The following DNAH17 variants were observed in gnomAD, a reference collection of about 807,000 sequenced individuals.
The protein encoded by DNAH17 is axonemal beta dynein heavy chain 17.
DNAH17 carries 376 observed loss-of-function variants against 485.6 expected under a neutral mutation model. The observed-to-expected ratio is 0.77, with a 90% CI of 0.71 to 0.84. The LOEUF (loss-of-function observed/expected upper bound fraction) is 0.84, where lower values mean the gene tolerates loss of function less well. Among genes scored for constraint, DNAH17 ranks in the 40% least tolerant of loss-of-function variants. DNAH17 has a pLI of 0.00. For missense variants in DNAH17, 6,370 were observed against 5,839.3 expected (o/e 1.09, Z -2.96); for synonymous variants, 3,031 against 2,405.9 (o/e 1.26, Z -7.60).
intron 51 of DNAH17, among the ~76,000 whole-genome samples, 197 bp from the exon 52 acceptor site, chr17:78,476,930 G>A (rs576179071): frequency 9.5e-4 from 145 of 152,316 alleles, no homozygotes; most frequent in African/African-American, 3.3e-3. Flanking sequence ...GTGTGTGTGT[G>A]TGTCCTGAGA....
chr17:78,433,959 G>GGGAA lies in DNAH17; in HGVS notation c.12225+66_12225+69dup, dbSNP rs1303946508. ...AGGGAAGGAGGGAGGGAAGGAGGGAGGGAAGGAGGGAGGGAAGGAGGGAAA... is the reference window on the plus strand; with the variant it reads ...AGGGAAGGAGGGAGGGAAGGAGGGAGGGAAGGAAGGAGGGAGGGAAGGAGGGAAA... On this transcript the variant is annotated intron_variant, in intron 75 of 80. Coordinates refer to ENST00000389840, the MANE Select transcript of DNAH17 (RefSeq NM_173628.4). 6.6e-6 allele frequency: 8 copies of GGGAA among 1,219,980 alleles called. No individual in the cohort carries two copies. In the East Asian group the frequency reaches 7.3e-5, roughly 11 times the overall value. The allele number at this position is 1,219,980 out of a possible 1,614,324, so 75.6% of individuals were successfully genotyped here. A position where few individuals can be genotyped will look rare whatever the true frequency, so the allele number is the denominator to read the frequency against.
chr17:78,491,372 G>A (rs2089844953), intron 43 of DNAH17, 71 bp downstream of exon 43: 1 of 1,559,740 alleles, frequency 6.4e-7, no homozygotes, highest in Non-Finnish European at 8.7e-7. Flanking sequence ...TGCTCCGTAG[G>A]CGCCTCCCTG....
rs757328785 is a variant in DNAH17 at position 78,430,604 on chromosome 17, G to A, written c.12226-1304C>T. Among the ~76,000 whole-genome samples the A allele has an allele frequency of 2.6e-5, 4 of 152,140 alleles. 1 individual carries two copies. The highest frequency in any genetic ancestry group is 4.4e-5 in the Non-Finnish European group (3 of 68,044). ...TTTTTAGGTTGCTTATTTTTGAGAT[G>A]GAGTCTCGCTCTGTTGCCCAGGCTG... On this transcript the variant is annotated intron_variant, in intron 75 of 80. Coordinates refer to ENST00000389840, the MANE Select transcript of DNAH17 (RefSeq NM_173628.4).
intron 25 of DNAH17, among the ~76,000 whole-genome samples, chr17:78,518,631 A>C (rs1286052463): frequency 1.3e-5 from 2 of 152,182 alleles, no homozygotes; most frequent in African/African-American, 2.4e-5. Context: ...GGACAGAACA[A>C]CACAACCAAC....
intron 14 of DNAH17, among the ~76,000 whole-genome samples, chr17:78,557,451 C>G (rs71385969): frequency 1.3e-5 from 2 of 151,976 alleles, no homozygotes; most frequent in Admixed American, 6.6e-5. Context: ...AACTGTGTCT[C>G]TACTAAAAAT....
chr17:78,472,653 G>C (rs2088817769), intron 54 of DNAH17: 1 of 445,596 alleles, frequency 2.2e-6, no homozygotes, highest in African/African-American at 2.0e-5. Context: ...AGGGGAGCTG[G>C]GGTAGCACCT....
chr17:78,444,386 T>C (rs1246915244), intron 71 of DNAH17, among the ~76,000 whole-genome samples: 1 of 152,088 alleles, frequency 6.6e-6, no homozygotes, highest in Non-Finnish European at 1.5e-5. Context: ...AGGACTGGAG[T>C]CCGCAGCCTG....
chr17:78,529,389 G>C, intron 22 of DNAH17, 83 bp downstream of exon 22: 2 of 1,319,746 alleles, frequency 1.5e-6, no homozygotes, highest in Non-Finnish European at 2.2e-6. Context: ...CCCCATGGTT[G>C]CGTTTGATGG....
intron 44 of DNAH17, 73 bp from the exon 45 acceptor site, chr17:78,486,579 C>A: frequency 6.7e-7 from 1 of 1,493,470 alleles, no homozygotes; most frequent in Admixed American, 2.2e-5. Flanking sequence ...TTGGTAAACG[C>A]CCCTCCCTAC....
rs776042763 is a variant in DNAH17 at position 78,494,074 on chromosome 17, C to A, written c.6370G>T (p.Val2124Leu). 1 of 1,612,812 alleles carries A rather than the reference C, an allele frequency of 6.2e-7. No individual in the cohort carries two copies. Among genetic ancestry groups the A allele is most frequent in the Admixed American group, 1.7e-5 (1 of 59,988 alleles). The change falls in exon 41 of 81, where the codon GTG (valine) becomes TTG (leucine). Residue 2124 changes from valine (V) to leucine (L), a missense_variant. Transcript: ENST00000389840. Reference protein sequence around the residue: ...LEELLQVRHSVFIVGNAGSGK... With the variant: ...LEELLQVRHSLFIVGNAGSGK... ...CTGCCCGCATTCCCGACGATGAACA[C>A]GGAGTGGCGGACCTGCAGCAGCTCC... is the stretch of plus-strand genomic sequence containing the variant.
intron 1 of DNAH17, among the ~76,000 whole-genome samples, chr17:78,576,315 A>G (rs528953561): frequency 2.7e-4 from 41 of 152,294 alleles, no homozygotes; most frequent in Non-Finnish European, 5.7e-4. Context: ...AGTGGATAGC[A>G]TTTGGATGCT....
At chr17:78,496,758 A>G (rs61277217) in intron 37 of DNAH17, 63,215 of 141,416 alleles carry the variant, frequency 0.45, 13,978 homozygotes, top group African/African-American at 0.56. Flanking sequence ...TACAACCTCC[A>G]CCTCCTGGGT....
intron 52 of DNAH17, 95 bp downstream of exon 52, chr17:78,476,477 C>T (rs888772082): frequency 1.4e-6 from 2 of 1,389,162 alleles, no homozygotes; most frequent in African/African-American, 1.5e-5. Flanking sequence ...AACAAAGGGC[C>T]CTTCTGAGAG....
intron 19 of DNAH17, among the ~76,000 whole-genome samples, chr17:78,536,273 A>G (rs1452385671): frequency 6.6e-6 from 1 of 151,520 alleles, no homozygotes; most frequent in Non-Finnish European, 1.5e-5. Context: ...CCCCGTCTCT[A>G]CTAAAAATAT....
chr17:78,571,616 G>T lies in DNAH17; in HGVS notation c.706C>A (p.Leu236Met). The part of the protein sequence containing the change: ...VEFEFWDTRL[L>M]NLKCIHEQLN... ...TGTTCATGGATGCACTTGAGGTTCA[G>T]CAGCCGAGTGTCCCAGAACTCGAAC... The change falls in exon 4 of 81, where the codon CTG becomes ATG. Residue 236 changes from leucine to methionine, a missense_variant. Leu to Met is a conservative substitution (Grantham distance 15). Coordinates refer to ENST00000389840, the MANE Select transcript of DNAH17 (RefSeq NM_173628.4). 1 of 1,613,964 alleles carries T rather than the reference G, an allele frequency of 6.2e-7. No homozygotes were observed. Among genetic ancestry groups the T allele is most frequent in the South Asian group, 1.1e-5 (1 of 91,090 alleles).
rs1055650119 is a variant in DNAH17, at chr17:78,539,983, C to T, written c.2533-103G>A. 1.1e-5 allele frequency: 14 copies of T among 1,224,116 alleles called. No homozygotes were observed. In the Admixed American group the frequency reaches 4.1e-4, roughly 36 times the overall value. The allele number at this position is 1,224,116 out of a possible 1,614,324, so 75.8% of individuals were successfully genotyped here. A position where few individuals can be genotyped will look rare whatever the true frequency, so the allele number is the denominator to read the frequency against. On this transcript the variant is annotated intron_variant, in intron 17 of 80. Transcript: ENST00000389840. ...TGGACCGCCCGTCCATGTTCACACG[C>T]CGGACACACGGGGCTGCTTTGAGCA...
chr17:78,549,801 C>T (rs1392332356), intron 16 of DNAH17, among the ~76,000 whole-genome samples: 1 of 152,164 alleles, frequency 6.6e-6, no homozygotes, highest in Admixed American at 6.5e-5. Flanking sequence ...GTCTCCTGCT[C>T]GCTCCCCACC....
At chr17:78,425,205 G>T (rs2086385657) in intron 80 of DNAH17, 141 bp downstream of exon 80, 1 of 784,736 alleles carries the variant, frequency 1.3e-6, no homozygotes, top group Admixed American at 2.7e-5. Context: ...CCTGCAGGCT[G>T]ATGCCCCCTG....
chr17:78,465,092 C>T (rs1460663636), intron 56 of DNAH17, among the ~76,000 whole-genome samples: 4 of 152,170 alleles, frequency 2.6e-5, no homozygotes, highest in Non-Finnish European at 4.4e-5. Context: ...AGGCTCGCGC[C>T]GCCACGCCTG....
Sources: gnomAD v4.1 joint callset for allele counts (sites outside exome capture counted in the v4.1 genomes callset) on GRCh38, gnomAD v4.1.1 for gene constraint, MANE v1.5 for transcripts, NCBI Gene and HGNC (gene_info 2026-07-23, HGNC 2026-07-21) for gene names.